EPHB2: variants seen among roughly 807,000 people sequenced by gnomAD.
The protein encoded by EPHB2 is EPH receptor B2.
Under a neutral mutation model 96.4 loss-of-function variants are expected in EPHB2, and 18 were observed. The ratio of observed to expected loss-of-function variants is 0.19; its 90% CI spans 0.13 to 0.28. The LOEUF (loss-of-function observed/expected upper bound fraction) is 0.28. EPHB2 is among the 10% of genes least tolerant of loss of function. The pLI, the probability that EPHB2 is intolerant of heterozygous loss-of-function variation, is 1.00. For missense variants in EPHB2, 989 were observed against 1,355.4 expected (o/e 0.73, Z 4.25); for synonymous variants, 506 against 534.1 (o/e 0.95, Z 0.72).
chr1:22,771,188 T>C (rs1045653921), intron 1 of EPHB2, among the ~76,000 whole-genome samples: 2 of 152,134 alleles, frequency 1.3e-5, no homozygotes, highest in Non-Finnish European at 2.9e-5. Context: ...TGGCCCTGCC[T>C]ACAAGGCACT....
In EPHB2 at chr1:22,906,079, T is replaced by C. The variant is rs149475426; in HGVS notation, c.1858T>C (p.Cys620Arg). The C allele has an allele frequency of 6.2e-6, 10 of 1,614,072 alleles. No homozygotes were observed. Among genetic ancestry groups the C allele is most frequent in the Non-Finnish European group, 8.5e-6 (10 of 1,180,046 alleles). Residue 620 changes from cysteine to arginine, a missense_variant, in exon 10 of 16, where the codon TGT (cysteine) becomes CGT (arginine). Cys to Arg is a radical substitution (Grantham distance 180). Transcript: ENST00000374630. This position sits in a 1 kb window ranked among gnomAD's most constrained non-coding sequence, Gnocchi z 4.8. ...REFAKEIDIS[C>R]VKIEQVIGAG... ...GTTTGCCAAGGAAATTGACATCTCC[T>C]GTGTCAAAATTGAGCAGGTGATCGG...
intron 1 of EPHB2, among the ~76,000 whole-genome samples, chr1:22,764,460 A>T (rs1369694057): frequency 6.6e-6 from 1 of 151,706 alleles, no homozygotes; most frequent in East Asian, 2.0e-4. Flanking sequence ...AATGTAAATG[A>T]CTCTGCCGGG....
At chr1:22,763,676 T>G (rs1644266747) in intron 1 of EPHB2, among the ~76,000 whole-genome samples, 1 of 152,190 alleles carries the variant, frequency 6.6e-6, no homozygotes, top group Non-Finnish European at 1.5e-5. Flanking sequence ...TGTTAGTTTC[T>G]TGTTGCTGCT....
At chr1:22,880,519 C>G (rs1053458737) in intron 5 of EPHB2, among the ~76,000 whole-genome samples, 7 of 152,240 alleles carry the variant, frequency 4.6e-5, no homozygotes, top group Non-Finnish European at 8.8e-5. Flanking sequence ...CCACAAAAAT[C>G]TCGGGCCCAG....
chr1:22,891,373 A>G (rs1639382611), intron 6 of EPHB2: 2 of 346,084 alleles, frequency 5.8e-6, no homozygotes, highest in Non-Finnish European at 1.1e-5. Context: ...CTGGATAAGC[A>G]TTCACAGATT....
chr1:22,847,242 C>T (rs1446030911), intron 3 of EPHB2, among the ~76,000 whole-genome samples: 1 of 152,150 alleles, frequency 6.6e-6, no homozygotes, highest in Non-Finnish European at 1.5e-5. Flanking sequence ...GATGAGGAAA[C>T]GGAGATGCAA....
chr1:22,744,993 G>A (rs767814946), intron 1 of EPHB2, among the ~76,000 whole-genome samples: 1 of 152,222 alleles, frequency 6.6e-6, no homozygotes, highest in Non-Finnish European at 1.5e-5. Context: ...GGTTGGTCTT[G>A]CTGTCTCGAG....
At chr1:22,865,812 C>A (rs1358457611) in intron 5 of EPHB2, among the ~76,000 whole-genome samples, 1 of 152,140 alleles carries the variant, frequency 6.6e-6, no homozygotes, top group Non-Finnish European at 1.5e-5. Flanking sequence ...CTAACTTGTA[C>A]CTCCATCACA....
intron 3 of EPHB2, among the ~76,000 whole-genome samples, chr1:22,834,997 T>G (rs1317904097): frequency 6.6e-6 from 1 of 152,188 alleles, no homozygotes; most frequent in African/African-American, 2.4e-5. Flanking sequence ...TTTGTCAACC[T>G]AATACCATTT....
At position 22,731,245 on chromosome 1, in the gene EPHB2, G is replaced by A. The variant is rs1643703708; in HGVS notation, c.61+20202G>A. 2.0e-5 allele frequency among the ~76,000 whole-genome samples: 3 copies of A among 152,302 alleles called. No homozygotes were observed. In the South Asian group the frequency reaches 6.2e-4, roughly 32 times the overall value. On this transcript the variant is annotated intron_variant, in intron 1 of 15. Coordinates refer to ENST00000374630, the MANE Select transcript of EPHB2 (RefSeq NM_017449.5). The stretch of plus-strand genomic sequence containing the variant: ...GATCATTCTGGCGGGGGGAATGGAG[G>A]GCAGAGGGACAGAGAAGAGCCTGGC...
chr1:22,841,105 G>A (rs539452558), intron 3 of EPHB2, among the ~76,000 whole-genome samples: 2 of 113,578 alleles, frequency 1.8e-5, no homozygotes, highest in South Asian at 5.1e-4. Context: ...AGTATCTGTG[G>A]AATGAATGAA....
intron 3 of EPHB2, among the ~76,000 whole-genome samples, chr1:22,847,648 A>C (rs1176906500): frequency 5.3e-5 from 8 of 152,182 alleles, no homozygotes; most frequent in African/African-American, 1.7e-4. Flanking sequence ...CACCAGGGCT[A>C]TGTGGCCATT....
intron 9 of EPHB2, among the ~76,000 whole-genome samples, chr1:22,900,225 C>G (rs779740093): frequency 6.6e-6 from 1 of 150,604 alleles, no homozygotes; most frequent in Non-Finnish European, 1.5e-5. Flanking sequence ...ACCTGGGAGG[C>G]GAAGGTTGCA....
At chr1:22,713,191 A>G (rs1643201080) in intron 1 of EPHB2, among the ~76,000 whole-genome samples, 1 of 152,114 alleles carries the variant, frequency 6.6e-6, no homozygotes, top group African/African-American at 2.4e-5. Context: ...TGCTTGCCTC[A>G]GGCTCTTGTT....
chr1:22,870,643 C>T (rs1638633016), intron 5 of EPHB2, among the ~76,000 whole-genome samples: 1 of 152,190 alleles, frequency 6.6e-6, no homozygotes, highest in South Asian at 2.1e-4. Context: ...TTCACTGATC[C>T]CGGGCTTCTA....
chr1:22,761,289 C>T (rs937817017), intron 1 of EPHB2, among the ~76,000 whole-genome samples: 3 of 152,170 alleles, frequency 2.0e-5, no homozygotes, highest in East Asian at 1.9e-4. Flanking sequence ...AAGAGTAGCA[C>T]GAACACACCA....
At position 22,822,776 on chromosome 1, in the gene EPHB2, G is replaced by A. The variant is rs189804505; in HGVS notation, c.811+37700G>A. Among the ~76,000 whole-genome samples the A allele has an allele frequency of 5.5e-4, 84 of 152,340 alleles. 1 individual carries two copies. The highest frequency in any genetic ancestry group is 3.3e-3 in the Admixed American group (51 of 15,302). On this transcript the variant is annotated intron_variant, in intron 3 of 15. Transcript: ENST00000374630. ...CAGCCATGTGCTGCTATGGCCTGCCGTCCAGTTTCAGGCCCAGTGCCCACA... is the reference window on the plus strand; with the variant it reads ...CAGCCATGTGCTGCTATGGCCTGCCATCCAGTTTCAGGCCCAGTGCCCACA...
chr1:22,766,191 A>T (rs1644305824), intron 1 of EPHB2, among the ~76,000 whole-genome samples: 1 of 152,178 alleles, frequency 6.6e-6, no homozygotes, highest in Non-Finnish European at 1.5e-5. Flanking sequence ...TCAGAGTCCC[A>T]GCACTACCAC....
At chr1:22,757,477 C>T (rs1644168795) in intron 1 of EPHB2, among the ~76,000 whole-genome samples, 1 of 152,174 alleles carries the variant, frequency 6.6e-6, no homozygotes, top group Non-Finnish European at 1.5e-5. Context: ...AATCCAAATC[C>T]TTGCTCTTTT....
Sources: allele counts gnomAD v4.1 joint callset (sites outside exome capture counted in the v4.1 genomes callset), GRCh38; gene constraint gnomAD v4.1.1; non-coding constraint Gnocchi (gnomAD v3.1); transcripts MANE v1.5; gene names NCBI Gene and HGNC (gene_info 2026-07-23, HGNC 2026-07-21).